TRAPPC9: variants seen among roughly 807,000 people sequenced by gnomAD.
TRAPPC9 encodes trafficking protein particle complex subunit 9.
In TRAPPC9, 83 loss-of-function variants were observed where a neutral mutation model predicts 124.0. The ratio of observed to expected loss-of-function variants is 0.67; its 90% CI spans 0.56 to 0.80. The LOEUF (loss-of-function observed/expected upper bound fraction) is 0.80. Among genes scored for constraint, TRAPPC9 ranks in the 30% least tolerant of loss-of-function variants. The pLI is 0.00. For synonymous variants in TRAPPC9, 638 were observed against 617.5 expected (o/e 1.03, Z -0.49); for missense variants, 1,302 against 1,508.3 (o/e 0.86, Z 2.27).
intron 21 of TRAPPC9, among the ~76,000 whole-genome samples, chr8:139,775,906 A>G (rs2130485286): frequency 6.6e-6 from 1 of 152,256 alleles, no homozygotes; most frequent in Admixed American, 6.5e-5. Flanking sequence ...CACAGATGAG[A>G]GTCAACTCCG....
At chr8:140,401,728 A>G (rs1037971014) in intron 6 of TRAPPC9, among the ~76,000 whole-genome samples, 1 of 151,910 alleles carries the variant, frequency 6.6e-6, no homozygotes, top group African/African-American at 2.4e-5. Flanking sequence ...GGCTCAGGTG[A>G]TCCTCCCACT....
chr8:140,240,401 C>A (rs903688957), intron 16 of TRAPPC9, among the ~76,000 whole-genome samples: 116 of 152,278 alleles, frequency 7.6e-4, no homozygotes, highest in African/African-American at 1.8e-3. Flanking sequence ...TCTGACCCCC[C>A]CAGGCTACGG....
chr8:140,075,894 C>T (rs1324609764), intron 17 of TRAPPC9, among the ~76,000 whole-genome samples: 2 of 152,240 alleles, frequency 1.3e-5, no homozygotes, highest in Non-Finnish European at 2.9e-5. Context: ...GCTTAGCTGC[C>T]TTTTGCAGTT....
chr8:140,273,122 C>T (rs1315628804), intron 15 of TRAPPC9, among the ~76,000 whole-genome samples: 2 of 152,148 alleles, frequency 1.3e-5, no homozygotes, highest in Non-Finnish European at 2.9e-5. Flanking sequence ...CTGGGTGCCC[C>T]GAGCTGAGAC....
At chr8:140,247,635 T>C (rs2064018964) in intron 16 of TRAPPC9, among the ~76,000 whole-genome samples, 1 of 152,304 alleles carries the variant, frequency 6.6e-6, no homozygotes, top group East Asian at 1.9e-4. Flanking sequence ...TGTTTCCGTT[T>C]CCTTCTCTGG....
chr8:139,965,941 A>G (rs74455012), intron 19 of TRAPPC9, among the ~76,000 whole-genome samples: 3,564 of 152,362 alleles, frequency 0.023, 131 homozygotes, highest in African/African-American at 0.08. Flanking sequence ...AGCCTGCGCC[A>G]CAAGGCCTTC....
intron 9 of TRAPPC9, among the ~76,000 whole-genome samples, chr8:140,341,929 T>G (rs1181285025): frequency 6.6e-6 from 1 of 152,224 alleles, no homozygotes; most frequent in Non-Finnish European, 1.5e-5. Flanking sequence ...GTGTGGGGCC[T>G]TTGGCCTCTG....
chr8:140,159,820 A>G (rs1401090827), intron 17 of TRAPPC9, among the ~76,000 whole-genome samples: 1 of 152,210 alleles, frequency 6.6e-6, no homozygotes, highest in Non-Finnish European at 1.5e-5. Flanking sequence ...AATGTTCCAC[A>G]TCGCCTGCCA....
intron 21 of TRAPPC9, among the ~76,000 whole-genome samples, chr8:139,824,232 G>A (rs938122188): frequency 6.6e-5 from 10 of 152,216 alleles, no homozygotes; most frequent in African/African-American, 1.9e-4. Flanking sequence ...TACAGATCAC[G>A]TAATTTCGGC....
intron 17 of TRAPPC9, among the ~76,000 whole-genome samples, chr8:140,126,834 C>CA (rs997214164): frequency 3.3e-5 from 5 of 152,200 alleles, no homozygotes; most frequent in Non-Finnish European, 7.3e-5. Flanking sequence ...GGAGTGGACT[C>CA]ACGGGCGCTG....
At position 139,728,677 on chromosome 8, in the gene TRAPPC9, C is replaced by T. The variant is rs886666752; in HGVS notation, c.*2384G>A. The stretch of plus-strand genomic sequence containing the variant: ...CTCCAGGTCACCTTCTCTACTGGGA[C>T]AGAAAGGGTGCCCTGGGGGTGGGGA... On this transcript the variant is annotated 3_prime_UTR_variant, in exon 23 of 23. Coordinates refer to ENST00000438773, the MANE Select transcript of TRAPPC9 (RefSeq NM_001160372.4). Among the ~76,000 whole-genome samples, 5 of 152,202 alleles carry T rather than the reference C, an allele frequency of 3.3e-5. No homozygotes were observed. The highest frequency in any genetic ancestry group is 4.8e-5 in the African/African-American group (2 of 41,456).
rs6991111 is a variant in TRAPPC9, at chr8:139,825,302, A to G, written c.3055+60577T>C. Among the ~76,000 whole-genome samples, 26,692 of 152,024 alleles carry G rather than the reference A, an allele frequency of 0.18. 2,476 individuals are homozygous for G. Among genetic ancestry groups the G allele is most frequent in the African/African-American group, 0.23 (9,470 of 41,488 alleles). The stretch of plus-strand genomic sequence containing the variant: ...GGGACCTGCAGCCACACTGGGTCCC[A>G]CTCTTTCCCGCCGAATGGAGGAGAG... On this transcript the variant is annotated intron_variant, in intron 21 of 22. Transcript: ENST00000438773. This position sits in a 1 kb window ranked among gnomAD's most constrained non-coding sequence, Gnocchi z 4.6.
rs1029726057 is a variant in TRAPPC9, at chr8:139,788,616, C to T, written c.3056-56414G>A. 1.9e-4 allele frequency among the ~76,000 whole-genome samples: 29 copies of T among 152,304 alleles called. No individual in the cohort carries two copies. Among genetic ancestry groups the T allele is most frequent in the Middle Eastern group, 3.4e-3 (1 of 294 alleles). On this transcript the variant is annotated intron_variant, in intron 21 of 22. Coordinates refer to ENST00000438773, the MANE Select transcript of TRAPPC9 (RefSeq NM_001160372.4). This position sits in a 1 kb window ranked among gnomAD's most constrained non-coding sequence, Gnocchi z 4.9. Reference sequence around the variant, plus strand: ...GACAGCCCATGAAGAACGGTACCCACCCCCGCCCCCGTGTGAGATGCTGGC... The same window carrying T: ...GACAGCCCATGAAGAACGGTACCCATCCCCGCCCCCGTGTGAGATGCTGGC...
Position 140,019,542 on chromosome 8 carries a change from C to CTTTTT in TRAPPC9, c.2699+4390_2699+4394dup, listed in dbSNP as rs71320340. On this transcript the variant is annotated intron_variant, in intron 18 of 22. Transcript: ENST00000438773. ...CTGTGTCAATTTTAGTAATTTGTGTCTTTTTTTTTTTTTTTTTTTTTTTTT... is the reference window on the plus strand; with the variant it reads ...CTGTGTCAATTTTAGTAATTTGTGTCTTTTTTTTTTTTTTTTTTTTTTTTTTTTTT... Among the ~76,000 whole-genome samples the CTTTTT allele has an allele frequency of 1.6e-3, 70 of 43,860 alleles. 22 individuals carry two copies. The highest frequency in any genetic ancestry group is 5.1e-3 in the African/African-American group (55 of 10,878). 28.8% of individuals were successfully genotyped at this position (43,860 alleles called of 152,430 possible). A position where few individuals can be genotyped will look rare whatever the true frequency, so the allele number is the denominator to read the frequency against.
rs1563827266 is a variant in TRAPPC9 at position 139,804,493 on chromosome 8, CA to C, written c.3056-72292del. On this transcript the variant is annotated intron_variant, in intron 21 of 22. Coordinates refer to ENST00000438773, the MANE Select transcript of TRAPPC9 (RefSeq NM_001160372.4). ...CCACCACCACCAAACACCACCACCA[CA>C]CACACAACCACTACCACCCACCACC... is the stretch of plus-strand genomic sequence containing the variant. Among the ~76,000 whole-genome samples, 86 of 139,468 alleles carry C rather than the reference CA, an allele frequency of 6.2e-4. 1 individual carries two copies. The highest frequency in any genetic ancestry group is 3.9e-3 in the Middle Eastern group (1 of 256). 91.5% of individuals were successfully genotyped at this position (139,468 alleles called of 152,430 possible). A position where few individuals can be genotyped will look rare whatever the true frequency, so the allele number is the denominator to read the frequency against.
chr8:140,043,358 C>T (rs558634510), intron 17 of TRAPPC9, among the ~76,000 whole-genome samples: 1 of 152,158 alleles, frequency 6.6e-6, no homozygotes, highest in Admixed American at 6.5e-5. Context: ...AGCCATCCTA[C>T]AGAAAAAAAG....
At chr8:140,280,063 C>G (rs376936787) in intron 14 of TRAPPC9, among the ~76,000 whole-genome samples, 2 of 152,186 alleles carry the variant, frequency 1.3e-5, no homozygotes, top group East Asian at 3.9e-4. Context: ...GCGGCTGGTG[C>G]CCTGCACAGG....
chr8:140,024,420 A>G (rs1840005294), intron 17 of TRAPPC9, among the ~76,000 whole-genome samples: 1 of 146,634 alleles, frequency 6.8e-6, no homozygotes, highest in African/African-American at 2.5e-5. Context: ...TTTTTTGGAG[A>G]TGGAGTCTTA....
intron 19 of TRAPPC9, among the ~76,000 whole-genome samples, chr8:139,930,796 C>T (rs535590514): frequency 2.6e-5 from 4 of 152,304 alleles, no homozygotes; most frequent in Non-Finnish European, 5.9e-5. Context: ...TCTGAGGAGA[C>T]GCTCAAAACA....
Sources: gnomAD v4.1 joint callset for allele counts (sites outside exome capture counted in the v4.1 genomes callset) on GRCh38, gnomAD v4.1.1 for gene constraint, Gnocchi (gnomAD v3.1) non-coding constraint, MANE v1.5 for transcripts, NCBI Gene and HGNC (gene_info 2026-07-23, HGNC 2026-07-21) for gene names.